Variants in CACNA2D2 observed in about 807,000 individuals in gnomAD.
CACNA2D2 encodes calcium voltage-gated channel auxiliary subunit alpha2delta 2, also known as voltage-dependent calcium channel subunit alpha-2/delta-2.
CACNA2D2 carries 48 observed loss-of-function variants against 166.4 expected under a neutral mutation model. The ratio of observed to expected loss-of-function variants is 0.29; its 90% confidence interval spans 0.23 to 0.37. The LOEUF (loss-of-function observed/expected upper bound fraction) is 0.37, where lower values mean the gene tolerates loss of function less well. Among genes scored for constraint, CACNA2D2 ranks in the 10% least tolerant of loss-of-function variants. CACNA2D2 has a pLI of 1.00. For missense variants in CACNA2D2, 1,122 were observed against 1,433.0 expected (o/e 0.78, Z 3.50); for synonymous variants, 561 against 573.7 (o/e 0.98, Z 0.32).
Position 50,381,092 on chromosome 3 carries a change from C to G in CACNA2D2, c.687G>C (p.Glu229Asp), listed in dbSNP as rs1705286294. The change falls in exon 7 of 38, where the codon GAG (glutamate) becomes GAC (aspartate). Residue 229 changes from glutamate to aspartate, a missense_variant. Transcript: ENST00000424201. ...TTTCCATGAACACATTCTCCAGGGC[C>G]TCTGTCCAGTTGAGCTCATTGAGGA... ...TVILNELNWT[E>D]ALENVFMENR... is the part of the protein sequence containing the mutation. The G allele has an allele frequency of 6.2e-7, 1 of 1,613,780 alleles. No homozygotes were observed. Among genetic ancestry groups the G allele is most frequent in the Admixed American group, 1.7e-5 (1 of 59,978 alleles).
In CACNA2D2 at chr3:50,366,393, C is replaced by G; in HGVS notation, c.2638-55G>C. ...GAGAGGGGCTGGGCCCCGGACCTTCCACCGCAGGCAGTCCAGTGGTTCAGA... is the reference window on the plus strand; with the variant it reads ...GAGAGGGGCTGGGCCCCGGACCTTCGACCGCAGGCAGTCCAGTGGTTCAGA... On this transcript the variant is annotated intron_variant, in intron 30 of 37. Transcript: ENST00000424201. This position sits in a 1 kb window ranked among gnomAD's most constrained non-coding sequence, Gnocchi z 5.9. 3 of 1,575,476 alleles carry G rather than the reference C, an allele frequency of 1.9e-6. No homozygotes were observed. The Admixed American group carries it at 5.0e-5, about 26-fold the overall frequency.
chr3:50,487,679 T>C (rs1276959498), intron 1 of CACNA2D2, among the ~76,000 whole-genome samples: 1 of 152,100 alleles, frequency 6.6e-6, no homozygotes, highest in African/African-American at 2.4e-5. Context: ...TACCCCACCT[T>C]TCTAGCCTCC....
At chr3:50,449,647 T>C (rs988800635) in intron 2 of CACNA2D2, among the ~76,000 whole-genome samples, 1 of 152,050 alleles carries the variant, frequency 6.6e-6, no homozygotes, top group African/African-American at 2.4e-5. Context: ...GGGATGAAAA[T>C]AGTGTCAGCC....
chr3:50,445,966 C>T (rs900373733), intron 2 of CACNA2D2, among the ~76,000 whole-genome samples: 2 of 152,144 alleles, frequency 1.3e-5, no homozygotes, highest in Non-Finnish European at 2.9e-5. Flanking sequence ...GGTTCTCTCT[C>T]GGTGTATGCA....
At chr3:50,491,559 G>A (rs557398247) in intron 1 of CACNA2D2, among the ~76,000 whole-genome samples, 78 of 152,304 alleles carry the variant, frequency 5.1e-4, no homozygotes, top group Middle Eastern at 3.4e-3. Flanking sequence ...GGAGTGGGGC[G>A]GAAAAAGGAG....
intron 6 of CACNA2D2, among the ~76,000 whole-genome samples, chr3:50,381,624 AC>A (rs1369894776): frequency 7.6e-6 from 1 of 131,362 alleles, no homozygotes; most frequent in African/African-American, 2.9e-5. Flanking sequence ...TGATTAATCA[AC>A]TGGGGCCAGA....
intron 1 of CACNA2D2, among the ~76,000 whole-genome samples, chr3:50,481,589 G>A (rs999635549): frequency 3.9e-5 from 6 of 152,238 alleles, no homozygotes; most frequent in Admixed American, 1.3e-4. Flanking sequence ...GAAGGCCACT[G>A]CTGCCAAGTG....
Position 50,380,157 on chromosome 3 carries a change from TACC to T in CACNA2D2, c.843-142_843-140del. On this transcript the variant is annotated intron_variant, in intron 8 of 37. Coordinates refer to ENST00000424201, the MANE Select transcript of CACNA2D2 (RefSeq NM_006030.4). The surrounding 1 kb of genome is among the most constrained non-coding windows in gnomAD (Gnocchi z 4.9). ...CAGGCAGGGTTCTATGCACCGATGATACCACATTTAACGAAACAGACACAGTCC... is the reference window on the plus strand; with the variant it reads ...CAGGCAGGGTTCTATGCACCGATGATACATTTAACGAAACAGACACAGTCC... The T allele has an allele frequency of 1.3e-6, 1 of 796,464 alleles. No individual in the cohort carries two copies. The allele number at this position is 796,464 out of a possible 1,614,324, so 49.3% of individuals were successfully genotyped here.
Position 50,364,979 on chromosome 3 carries a change from G to A in CACNA2D2, c.3209-9C>T. 2 of 1,612,356 alleles carry A rather than the reference G, an allele frequency of 1.2e-6. No homozygotes were observed. The highest frequency in any genetic ancestry group is 1.7e-6 in the Non-Finnish European group (2 of 1,179,598). On this transcript the variant is annotated splice_polypyrimidine_tract_variant and intron_variant, in intron 36 of 37. Coordinates refer to ENST00000424201, the MANE Select transcript of CACNA2D2 (RefSeq NM_006030.4). ...CTGCTCCGGGCCGTCCGCTGGGCAT[G>A]GGTGGGGAGTCAAGGAGGCGGACGG...
intron 3 of CACNA2D2, among the ~76,000 whole-genome samples, chr3:50,425,241 A>G (rs1707752437): frequency 6.6e-6 from 1 of 151,856 alleles, no homozygotes; most frequent in Admixed American, 6.6e-5. Flanking sequence ...AGCCCCCAGT[A>G]CTCCCATCTC....
At chr3:50,432,354 T>C (rs978141375) in intron 3 of CACNA2D2, among the ~76,000 whole-genome samples, 11 of 152,260 alleles carry the variant, frequency 7.2e-5, no homozygotes, top group Admixed American at 3.3e-4. Flanking sequence ...CCTGGCTGAG[T>C]GGCAGGCCGA....
rs371639814 is a variant in CACNA2D2 at position 50,431,693 on chromosome 3, A to G, written c.405+2620T>C. On this transcript the variant is annotated intron_variant, in intron 3 of 37. Coordinates refer to ENST00000424201, the MANE Select transcript of CACNA2D2 (RefSeq NM_006030.4). ...CTTTCCCCATCATTTCTCATAAAAA[A>G]TAATTTCTGGGCCAGATGCGGTGGC... is the stretch of plus-strand genomic sequence containing the variant. Among the ~76,000 whole-genome samples the G allele has an allele frequency of 5.3e-4, 81 of 152,326 alleles. 1 individual carries two copies. The South Asian group carries it at 0.014, about 27-fold the overall frequency.
chr3:50,363,420 G>A lies in CACNA2D2; in HGVS notation c.*1246C>T. On this transcript the variant is annotated 3_prime_UTR_variant, in exon 38 of 38. Transcript: ENST00000424201. ...CCCCCAGGCTGGGATGCCTTTGGGG[G>A]AAATGACCAGAATGAATGGTGTGAA... 1 of 397,020 alleles carries A rather than the reference G, an allele frequency of 2.5e-6. No homozygotes were observed. The highest frequency in any genetic ancestry group is 6.3e-4 in the Middle Eastern group (1 of 1,588). The allele number at this position is 397,020 out of a possible 1,614,324, so 24.6% of individuals were successfully genotyped here. A position where few individuals can be genotyped will look rare whatever the true frequency, so the allele number is the denominator to read the frequency against.
At chr3:50,415,931 C>T (rs1157020698) in intron 3 of CACNA2D2, 1 of 152,264 alleles carries the variant, frequency 6.6e-6, no homozygotes, top group Non-Finnish European at 1.5e-5. Flanking sequence ...TCCGCCTCCT[C>T]TGGACGGACA....
intron 4 of CACNA2D2, among the ~76,000 whole-genome samples, chr3:50,391,571 G>A (rs566769025): frequency 3.9e-5 from 6 of 152,350 alleles, no homozygotes; most frequent in South Asian, 2.1e-4. Flanking sequence ...GGCCAGGGAC[G>A]AGGAAGGGGG....
At chr3:50,442,037 C>T (rs897410609) in intron 2 of CACNA2D2, among the ~76,000 whole-genome samples, 2 of 152,240 alleles carry the variant, frequency 1.3e-5, no homozygotes, top group South Asian at 2.1e-4. Context: ...GGCTGGATTC[C>T]AGGCTGCCAT....
chr3:50,377,237 G>C (rs898199970), intron 17 of CACNA2D2, among the ~76,000 whole-genome samples: 1 of 152,118 alleles, frequency 6.6e-6, no homozygotes, highest in Non-Finnish European at 1.5e-5. Context: ...GTAAGAGATG[G>C]GTATGTAGGT....
chr3:50,434,464 T>G, intron 2 of CACNA2D2, 35 bp from the exon 3 acceptor site: 1 of 1,502,508 alleles, frequency 6.7e-7, no homozygotes, highest in Non-Finnish European at 9.3e-7. Context: ...TGAGACCAGG[T>G]GGTCCCACGT....
At chr3:50,498,481 C>T (rs2107185369) in intron 1 of CACNA2D2, among the ~76,000 whole-genome samples, 1 of 152,326 alleles carries the variant, frequency 6.6e-6, no homozygotes, top group East Asian at 1.9e-4. Flanking sequence ...GGCATCTCAT[C>T]TCCAGATGAA....
Sources: allele counts gnomAD v4.1 joint callset (sites outside exome capture counted in the v4.1 genomes callset), GRCh38; gene constraint gnomAD v4.1.1; non-coding constraint Gnocchi (gnomAD v3.1); transcripts MANE v1.5; gene names NCBI Gene and HGNC (gene_info 2026-07-23, HGNC 2026-07-21).